Variants in ACOXL observed in about 807,000 individuals in gnomAD.
The protein encoded by ACOXL is acyl-coenzyme A oxidase-like protein.
A neutral mutation model predicts 71.9 loss-of-function variants in ACOXL; 70 were observed. That is an observed-to-expected ratio of 0.97 (90% CI 0.80 to 1.19). ACOXL has a LOEUF of 1.19. Ranked by LOEUF, ACOXL falls within the 50% of genes most tolerant of loss-of-function variation. ACOXL has a pLI of 0.00. For synonymous variants in ACOXL, 253 were observed against 281.6 expected (o/e 0.90, Z 1.02); for missense variants, 703 against 736.3 (o/e 0.95, Z 0.52).
At chr2:110,869,795 C>G (rs985331239) in intron 10 of ACOXL, among the ~76,000 whole-genome samples, 2 of 152,236 alleles carry the variant, frequency 1.3e-5, no homozygotes. Context: ...CCTTGCCGTC[C>G]TCCTGGCCAC....
chr2:110,794,670 A>G (rs1415969286), intron 5 of ACOXL, among the ~76,000 whole-genome samples: 1 of 152,196 alleles, frequency 6.6e-6, no homozygotes, highest in Non-Finnish European at 1.5e-5. Flanking sequence ...TTACATGACA[A>G]CAGAAACAAG....
intron 11 of ACOXL, among the ~76,000 whole-genome samples, chr2:110,916,366 A>G (rs1374351164): frequency 1.3e-5 from 2 of 152,152 alleles, no homozygotes; most frequent in African/African-American, 4.8e-5. Flanking sequence ...AACCAATGAG[A>G]GCAAAGACAC....
chr2:111,022,118 C>T (rs56304079), intron 14 of ACOXL, among the ~76,000 whole-genome samples: 11,419 of 152,070 alleles, frequency 0.075, 804 homozygotes, highest in African/African-American at 0.18. Context: ...TTTGGGAGGC[C>T]GACGCGAGCA....
intron 12 of ACOXL, among the ~76,000 whole-genome samples, chr2:110,955,932 G>T (rs1235917650): frequency 1.5e-5 from 2 of 130,390 alleles, no homozygotes; most frequent in African/African-American, 2.8e-5. Flanking sequence ...ACTTGCCACA[G>T]ATTTTTTTTT....
intron 1 of ACOXL, 30 bp from the exon 2 acceptor site, chr2:110,768,336 TGG>T: frequency 1.3e-6 from 2 of 1,582,464 alleles, no homozygotes; most frequent in Non-Finnish European, 1.7e-6. Flanking sequence ...CACCAATTAT[TGG>T]CTGTCTTATT....
intron 14 of ACOXL, among the ~76,000 whole-genome samples, chr2:111,030,376 T>G (rs2065208893): frequency 6.6e-6 from 1 of 152,186 alleles, no homozygotes; most frequent in Non-Finnish European, 1.5e-5. Context: ...AGATATCAAT[T>G]CAGGGAGCAA....
chr2:110,768,798 C>T (rs1301248627), intron 2 of ACOXL, among the ~76,000 whole-genome samples: 2 of 151,946 alleles, frequency 1.3e-5, no homozygotes, highest in East Asian at 1.9e-4. Flanking sequence ...TAAGAACGTG[C>T]GGTATTTGGT....
At chr2:111,003,566 AAAAAAAAAAAAAAG>A (rs2063738924) in intron 14 of ACOXL, among the ~76,000 whole-genome samples, 1 of 148,966 alleles carries the variant, frequency 6.7e-6, no homozygotes, top group Non-Finnish European at 1.5e-5. Context: ...AAAAAAAAAA[AAAAAAAAAAAAAAG>A]AATCACAGAA....
intron 10 of ACOXL, among the ~76,000 whole-genome samples, chr2:110,865,811 A>G (rs1486427096): frequency 6.6e-6 from 1 of 151,986 alleles, no homozygotes; most frequent in African/African-American, 2.4e-5. Flanking sequence ...ATGATAGCAT[A>G]ATCTATCCAT....
intron 1 of ACOXL, among the ~76,000 whole-genome samples, chr2:110,756,491 A>G (rs1476435811): frequency 1.3e-5 from 2 of 152,336 alleles, no homozygotes; most frequent in African/African-American, 2.4e-5. Context: ...TGTGTGTATT[A>G]TCTGTGCATT....
intron 1 of ACOXL, among the ~76,000 whole-genome samples, chr2:110,734,334 A>T (rs990192876): frequency 2.7e-5 from 4 of 150,922 alleles, no homozygotes; most frequent in Non-Finnish European, 5.9e-5. Flanking sequence ...CTGTGGTGTG[A>T]TCTCAGCTCA....
At chr2:110,797,831 C>T (rs1188650638) in intron 5 of ACOXL, among the ~76,000 whole-genome samples, 1 of 152,154 alleles carries the variant, frequency 6.6e-6, no homozygotes, top group Non-Finnish European at 1.5e-5. Context: ...TGAGCATATA[C>T]CACCAGGGCT....
Position 110,768,434 on chromosome 2 carries a change from G to T in ACOXL, c.45G>T (p.Leu15=). Residue 15 remains leucine (L), a synonymous_variant, in exon 2 of 18, where the codon CTG becomes CTT. Transcript: ENST00000439055. ...TVQRVKFAMD[L]PLLKRAGQDL... The stretch of plus-strand genomic sequence containing the variant: ...AGAGAGTGAAGTTTGCCATGGACCT[G>T]CCTCTGTTAAAACGTGCAGGTCAGG... 6.2e-7 allele frequency: 1 copy of T among 1,613,842 alleles called. No individual in the cohort carries two copies. Among genetic ancestry groups the T allele is most frequent in the Non-Finnish European group, 8.5e-7 (1 of 1,179,982 alleles).
intron 16 of ACOXL, among the ~76,000 whole-genome samples, chr2:111,083,913 A>G (rs1232143291): frequency 6.6e-6 from 1 of 152,182 alleles, no homozygotes; most frequent in Admixed American, 6.6e-5. Context: ...TGTCTGACAC[A>G]TAGTAGGTGT....
intron 12 of ACOXL, among the ~76,000 whole-genome samples, chr2:110,983,605 C>G (rs1411267394): frequency 6.6e-6 from 1 of 152,078 alleles, no homozygotes; most frequent in Non-Finnish European, 1.5e-5. Flanking sequence ...TATGAAAAGC[C>G]ACAGAAACAC....
chr2:111,094,183 C>T (rs2068686575), intron 17 of ACOXL: 5 of 152,238 alleles, frequency 3.3e-5, no homozygotes, highest in Admixed American at 1.3e-4. Context: ...CTGGAGAAGT[C>T]GTCAGGAACC....
intron 11 of ACOXL, among the ~76,000 whole-genome samples, chr2:110,929,133 C>T (rs2060389487): frequency 6.6e-6 from 1 of 152,116 alleles, no homozygotes; most frequent in Admixed American, 6.6e-5. Context: ...GTTTGGAGGG[C>T]TCAGAAGAAG....
intron 10 of ACOXL, among the ~76,000 whole-genome samples, chr2:110,865,008 G>A (rs373200055): frequency 2.0e-5 from 3 of 146,922 alleles, no homozygotes; most frequent in African/African-American, 2.5e-5. Flanking sequence ...CAGGAAGGCC[G>A]TTGCCTTCCA....
chr2:110,809,217 A>T (rs1211729481), intron 9 of ACOXL, among the ~76,000 whole-genome samples: 2 of 152,142 alleles, frequency 1.3e-5, no homozygotes, highest in Non-Finnish European at 2.9e-5. Flanking sequence ...TGCTCCCCAT[A>T]GTATGTGCTT....
Sources: gnomAD v4.1 joint callset for allele counts (sites outside exome capture counted in the v4.1 genomes callset) on GRCh38, gnomAD v4.1.1 for gene constraint, MANE v1.5 for transcripts, NCBI Gene and HGNC (gene_info 2026-07-23, HGNC 2026-07-21) for gene names.